Variants in GRIK4 observed in about 807,000 individuals in gnomAD.
The protein encoded by GRIK4 is glutamate receptor ionotropic, kainate 4.
GRIK4 carries 40 observed loss-of-function variants against 104.9 expected under a neutral mutation model. That is an observed-to-expected ratio of 0.38 (90% CI 0.30 to 0.50). The LOEUF is 0.50. Among genes scored for constraint, GRIK4 ranks in the 20% least tolerant of loss-of-function variants. The probability of loss-of-function intolerance (pLI) is 0.93; values close to 1 mark genes in which losing one functional copy is unlikely to be tolerated. For missense variants in GRIK4, 1,047 were observed against 1,308.1 expected (o/e 0.80, Z 3.08); for synonymous variants, 485 against 524.9 (o/e 0.92, Z 1.04).
At chr11:120,915,037 T>A (rs1411179168) in intron 13 of GRIK4, among the ~76,000 whole-genome samples, 1 of 152,110 alleles carries the variant, frequency 6.6e-6, no homozygotes, top group East Asian at 1.9e-4. Context: ...CCTTCAAGCA[T>A]GGGTTAAGGT....
At chr11:120,731,938 C>T (rs1951138841) in intron 3 of GRIK4, among the ~76,000 whole-genome samples, 1 of 151,980 alleles carries the variant, frequency 6.6e-6, no homozygotes, top group Non-Finnish European at 1.5e-5. Context: ...TTTGGATCTT[C>T]TTTCTTTTTT....
At chr11:120,651,740 C>G (rs77426501) in intron 1 of GRIK4, among the ~76,000 whole-genome samples, 1 of 152,186 alleles carries the variant, frequency 6.6e-6, no homozygotes, top group Admixed American at 6.5e-5. Flanking sequence ...CTGGGAGCAT[C>G]TCCTCATGGG....
Position 120,986,205 on chromosome 11 carries a change from G to A in GRIK4, c.2816G>A (p.Arg939His), listed in dbSNP as rs1242268054. The A allele has an allele frequency of 3.2e-6, 5 of 1,570,230 alleles. No individual in the cohort carries two copies. Among genetic ancestry groups the A allele is most frequent in the East Asian group, 4.8e-5 (2 of 41,582 alleles). The stretch of plus-strand genomic sequence containing the variant: ...CTGCGGGCACGGCCGTCGCCCGCCC[G>A]CAGCGAGGAGAGCCTGGAGTGGGAG... ...QGLRARPSPA[R>H]SEESLEWEKT... The change falls in exon 21 of 21, where the codon CGC becomes CAC. Residue 939 changes from arginine (R) to histidine (H), a missense_variant. By Grantham distance (29) the Arg-to-His change is conservative. This residue lies in a region of GRIK4 where 160 missense variants were observed against 140.9 expected (regional missense o/e 1.14). Transcript: ENST00000527524.
chr11:120,700,165 T>C (rs1950528387), intron 3 of GRIK4, among the ~76,000 whole-genome samples: 1 of 151,952 alleles, frequency 6.6e-6, no homozygotes, highest in South Asian at 2.1e-4. Flanking sequence ...AATCTACTTA[T>C]TTAACAAAAA....
intron 3 of GRIK4, among the ~76,000 whole-genome samples, chr11:120,693,074 T>G (rs1950392090): frequency 6.6e-6 from 1 of 151,854 alleles, no homozygotes; most frequent in Admixed American, 6.6e-5. Flanking sequence ...AGAGGCTGTC[T>G]TGGCAATTTA....
chr11:120,657,296 T>C (rs1949726664), intron 2 of GRIK4, among the ~76,000 whole-genome samples: 1 of 152,152 alleles, frequency 6.6e-6, no homozygotes, highest in Non-Finnish European at 1.5e-5. Flanking sequence ...ACTTTATCCA[T>C]AATAAGTAAG....
chr11:120,539,783 G>A (rs569616901), intron 1 of GRIK4, among the ~76,000 whole-genome samples: 59 of 152,328 alleles, frequency 3.9e-4, no homozygotes, highest in Admixed American at 1.6e-3. Flanking sequence ...AAGAAAATGT[G>A]TGCCAGGATG....
At chr11:120,648,491 A>T (rs1591767415) in intron 1 of GRIK4, among the ~76,000 whole-genome samples, 4 of 152,282 alleles carry the variant, frequency 2.6e-5, no homozygotes, top group Admixed American at 2.6e-4. Flanking sequence ...GGTGAATACC[A>T]GCTGTGGAGG....
chr11:120,842,770 G>A (rs1027461127), intron 8 of GRIK4, among the ~76,000 whole-genome samples: 21 of 152,338 alleles, frequency 1.4e-4, no homozygotes, highest in Admixed American at 1.3e-3. Flanking sequence ...TTTGGTTGGG[G>A]GAAACCTTTG....
chr11:120,865,801 G>A (rs1273650081), intron 9 of GRIK4, among the ~76,000 whole-genome samples: 1 of 152,190 alleles, frequency 6.6e-6, no homozygotes, highest in African/African-American at 2.4e-5. Context: ...AATACTCGAG[G>A]TTGGGTGATT....
At chr11:120,667,364 C>T (rs1336672202) in intron 3 of GRIK4, among the ~76,000 whole-genome samples, 3 of 152,278 alleles carry the variant, frequency 2.0e-5, no homozygotes, top group Non-Finnish European at 4.4e-5. Context: ...CTGGGTGCTT[C>T]CTTCCTCCCT....
chr11:120,851,477 G>A lies in GRIK4; in HGVS notation c.745-10482G>A, dbSNP rs1378188672. Among the ~76,000 whole-genome samples the A allele has an allele frequency of 5.3e-5, 8 of 152,324 alleles. No individual in the cohort carries two copies. In the East Asian group the frequency reaches 7.7e-4, roughly 15 times the overall value. Reference sequence around the variant, plus strand: ...AAGACCACCTTATACGTGCCATGCCGTGTAATTAACTACTCTTCAGGACTT... The same window carrying A: ...AAGACCACCTTATACGTGCCATGCCATGTAATTAACTACTCTTCAGGACTT... On this transcript the variant is annotated intron_variant, in intron 8 of 20. Transcript: ENST00000527524.
At chr11:120,695,988 G>C (rs1394121908) in intron 3 of GRIK4, among the ~76,000 whole-genome samples, 1 of 152,158 alleles carries the variant, frequency 6.6e-6, no homozygotes, top group African/African-American at 2.4e-5. Flanking sequence ...GGGGCCTCGT[G>C]ACCTTCTCTT....
At chr11:120,781,140 T>A (rs1010700159) in intron 3 of GRIK4, among the ~76,000 whole-genome samples, 6 of 152,024 alleles carry the variant, frequency 3.9e-5, no homozygotes, top group Non-Finnish European at 5.9e-5. Context: ...TCTTTCTTTT[T>A]TTTTTTTTGG....
At position 120,776,889 on chromosome 11, in the gene GRIK4, C is replaced by A. The variant is rs147954672; in HGVS notation, c.83-25804C>A. Among the ~76,000 whole-genome samples the A allele has an allele frequency of 4.1e-3, 629 of 152,266 alleles. 6 individuals carry two copies. Among genetic ancestry groups the A allele is most frequent in the African/African-American group, 0.015 (605 of 41,544 alleles). On this transcript the variant is annotated intron_variant, in intron 3 of 20. Transcript: ENST00000527524. ...GCAAGAGACAAGAGAGAGAAGAGTCCCCTTACATAGAAGTGGCAGTTTCAG... is the reference window on the plus strand; with the variant it reads ...GCAAGAGACAAGAGAGAGAAGAGTCACCTTACATAGAAGTGGCAGTTTCAG...
In GRIK4 at chr11:120,715,492, T is replaced by TAA. The variant is rs1414784958; in HGVS notation, c.82+55094_82+55095dup. Among the ~76,000 whole-genome samples, 4 of 152,338 alleles carry TAA rather than the reference T, an allele frequency of 2.6e-5. No individual in the cohort carries two copies. In the South Asian group the frequency reaches 6.2e-4, roughly 24 times the overall value. ...GAATGCAGATGAAGGACCCCTGGCC[T>TAA]AAAGTGTGTTCCACCCCTCCATGTT... On this transcript the variant is annotated intron_variant, in intron 3 of 20. Transcript: ENST00000527524.
Position 120,956,393 on chromosome 11 carries a change from C to T in GRIK4, c.1701-387C>T, listed in dbSNP as rs962696096. 2.0e-5 allele frequency among the ~76,000 whole-genome samples: 3 copies of T among 151,892 alleles called. No homozygotes were observed. The highest frequency in any genetic ancestry group is 2.1e-4 in the South Asian group (1 of 4,820). The stretch of plus-strand genomic sequence containing the variant: ...ATTTTTTTGTATTTTTTAGTAGAGA[C>T]GGGTTTTCGCTGTGTTGCCCAGGCT... On this transcript the variant is annotated intron_variant, in intron 15 of 20. Transcript: ENST00000527524. This position sits in a 1 kb window ranked among gnomAD's most constrained non-coding sequence, Gnocchi z 4.6.
chr11:120,774,162 A>G (rs1427933872), intron 3 of GRIK4, among the ~76,000 whole-genome samples: 1 of 152,220 alleles, frequency 6.6e-6, no homozygotes, highest in Non-Finnish European at 1.5e-5. Context: ...TGCTGAGTCT[A>G]GGAGAAAGAG....
intron 1 of GRIK4, among the ~76,000 whole-genome samples, chr11:120,553,280 G>A (rs910812524): frequency 3.9e-5 from 6 of 152,220 alleles, no homozygotes; most frequent in Non-Finnish European, 1.5e-5. Flanking sequence ...GCCTTCTGAA[G>A]AGACAGGGGA....
Sources: allele counts gnomAD v4.1 joint callset (sites outside exome capture counted in the v4.1 genomes callset), GRCh38; gene constraint gnomAD v4.1.1; regional missense constraint gnomAD v4.1.1; non-coding constraint Gnocchi (gnomAD v3.1); transcripts MANE v1.5; gene names NCBI Gene and HGNC (gene_info 2026-07-23, HGNC 2026-07-21).